The following ABTB2 variants were observed in gnomAD, a reference collection of about 807,000 sequenced individuals.
The protein encoded by ABTB2 is ankyrin repeat and BTB/POZ domain-containing protein 2.
A neutral mutation model predicts 104.1 loss-of-function variants in ABTB2; 56 were observed. That is an observed-to-expected ratio of 0.54 (90% CI 0.43 to 0.67). The LOEUF (loss-of-function observed/expected upper bound fraction) is 0.67, where lower values mean the gene tolerates loss of function less well. Among genes scored for constraint, ABTB2 ranks in the 30% least tolerant of loss-of-function variants. The pLI is 0.00. For synonymous variants in ABTB2, 606 were observed against 608.2 expected, an observed-to-expected ratio of 1.00 and a Z score of 0.05; for missense variants, 1,279 against 1,407.7, an observed-to-expected ratio of 0.91 and a Z score of 1.46.
At chr11:34,156,337 C>A (rs947416181) in intron 14 of ABTB2, among the ~76,000 whole-genome samples, 2 of 152,156 alleles carry the variant, frequency 1.3e-5, no homozygotes, top group Admixed American at 1.3e-4. Flanking sequence ...GGATACAGGT[C>A]ATGTGCCTCC....
intron 1 of ABTB2, among the ~76,000 whole-genome samples, chr11:34,354,775 G>T (rs1855445715): frequency 6.6e-6 from 1 of 152,220 alleles, no homozygotes; most frequent in Admixed American, 6.5e-5. Flanking sequence ...TGCATTTACA[G>T]TTCCACCCTT....
chr11:34,178,599 C>T (rs1852985467), intron 3 of ABTB2, among the ~76,000 whole-genome samples: 2 of 152,228 alleles, frequency 1.3e-5, no homozygotes, highest in Non-Finnish European at 2.9e-5. Flanking sequence ...TTCCCGTAGG[C>T]TGAGCTTGGT....
At position 34,202,770 on chromosome 11, in the gene ABTB2, C is replaced by T. The variant is rs58372565; in HGVS notation, c.1030+1774G>A. On this transcript the variant is annotated intron_variant, in intron 2 of 16. Transcript: ENST00000435224. ...CAGGAGAATCTCTTGAATCTGGAGG[C>T]GGAGGTTGCAGTGAGCCAAGTTTGT... 1.3e-3 allele frequency among the ~76,000 whole-genome samples: 199 copies of T among 152,162 alleles called. 2 individuals carry two copies. Among genetic ancestry groups the T allele is most frequent in the African/African-American group, 4.6e-3 (192 of 41,522 alleles).
At position 34,344,633 on chromosome 11, in the gene ABTB2, G is replaced by A. The variant is rs185359233; in HGVS notation, c.883+12068C>T. Among the ~76,000 whole-genome samples the A allele has an allele frequency of 2.2e-3, 339 of 152,172 alleles. 1 individual carries two copies. The highest frequency in any genetic ancestry group is 4.4e-3 in the Non-Finnish European group (301 of 68,002). ...CACCTCAGCCTCCCAAGTAGCTGGG[G>A]CCACAGATGTGCACCATTATACCTG... On this transcript the variant is annotated intron_variant, in intron 1 of 16. Transcript: ENST00000435224.
chr11:34,190,209 C>T lies in ABTB2; in HGVS notation c.1244+7116G>A, dbSNP rs1291513872. Among the ~76,000 whole-genome samples, 3 of 151,656 alleles carry T rather than the reference C, an allele frequency of 2.0e-5. No homozygotes were observed. The East Asian group carries it at 5.8e-4, about 29-fold the overall frequency. ...GAGTCAAGATCGTGCCACTGCACTC[C>T]AGCCTGGGTAACAGAGTGTGACTCC... On this transcript the variant is annotated intron_variant, in intron 3 of 16. Coordinates refer to ENST00000435224, the MANE Select transcript of ABTB2 (RefSeq NM_145804.3).
intron 1 of ABTB2, among the ~76,000 whole-genome samples, chr11:34,255,664 C>A (rs767295780): frequency 6.6e-6 from 1 of 152,058 alleles, no homozygotes; most frequent in Non-Finnish European, 1.5e-5. Context: ...ACTACAGGTA[C>A]GTGCCACCAC....
chr11:34,331,430 T>G (rs1424067785), intron 1 of ABTB2, among the ~76,000 whole-genome samples: 1 of 152,230 alleles, frequency 6.6e-6, no homozygotes, highest in African/African-American at 2.4e-5. Context: ...TCTTACTCTC[T>G]TTTCTAACTG....
intron 5 of ABTB2, among the ~76,000 whole-genome samples, chr11:34,169,546 A>G (rs1852841408): frequency 6.6e-6 from 1 of 152,036 alleles, no homozygotes; most frequent in Admixed American, 6.6e-5. Context: ...ACTAAATCCT[A>G]GGTCTATCTG....
intron 1 of ABTB2, among the ~76,000 whole-genome samples, chr11:34,266,117 C>CT (rs2133077498): frequency 6.6e-6 from 1 of 152,316 alleles, no homozygotes; most frequent in Non-Finnish European, 1.5e-5. Flanking sequence ...GGGTCTCACT[C>CT]TGTCACCCAG....
At chr11:34,222,886 C>T (rs564032541) in intron 1 of ABTB2, among the ~76,000 whole-genome samples, 7 of 152,290 alleles carry the variant, frequency 4.6e-5, no homozygotes, top group African/African-American at 9.6e-5. Flanking sequence ...TCTGGGGGAA[C>T]GACAGAGCCT....
chr11:34,353,394 T>G (rs551261419), intron 1 of ABTB2, among the ~76,000 whole-genome samples: 1 of 150,120 alleles, frequency 6.7e-6, no homozygotes, highest in African/African-American at 2.5e-5. Flanking sequence ...GAGAGGAGAG[T>G]AGGGAGGGAT....
At chr11:34,198,068 A>C (rs978421803) in intron 2 of ABTB2, among the ~76,000 whole-genome samples, 1 of 152,222 alleles carries the variant, frequency 6.6e-6, no homozygotes, top group Non-Finnish European at 1.5e-5. Flanking sequence ...ATTCCCCAGA[A>C]ATATGATTTA....
At chr11:34,155,241 G>A (rs1852607235) in intron 14 of ABTB2, among the ~76,000 whole-genome samples, 1 of 152,234 alleles carries the variant, frequency 6.6e-6, no homozygotes, top group Non-Finnish European at 1.5e-5. Context: ...GATGTTGGAG[G>A]ACGCTGCCTC....
intron 1 of ABTB2, among the ~76,000 whole-genome samples, chr11:34,353,950 C>T (rs575223439): frequency 6.6e-6 from 1 of 152,300 alleles, no homozygotes; most frequent in South Asian, 2.1e-4. Context: ...AAGGTTTGGA[C>T]CACTCCATTT....
At chr11:34,213,811 A>C (rs1467838806) in intron 1 of ABTB2, among the ~76,000 whole-genome samples, 2 of 152,218 alleles carry the variant, frequency 1.3e-5, no homozygotes, top group African/African-American at 4.8e-5. Context: ...AAACCAGTGC[A>C]ATAGTCACAA....
intron 1 of ABTB2, among the ~76,000 whole-genome samples, chr11:34,333,823 T>C (rs887219049): frequency 6.6e-6 from 1 of 152,024 alleles, no homozygotes; most frequent in African/African-American, 2.4e-5. Context: ...ACAGTGAAGA[T>C]CCCAAAATTG....
chr11:34,310,388 T>A (rs1854836549), intron 1 of ABTB2, among the ~76,000 whole-genome samples: 2 of 152,042 alleles, frequency 1.3e-5, no homozygotes, highest in African/African-American at 4.8e-5. Context: ...CCTGCAACCC[T>A]CTGAGTTTCG....
intron 1 of ABTB2, among the ~76,000 whole-genome samples, chr11:34,267,965 C>G (rs1854270127): frequency 6.6e-6 from 1 of 152,206 alleles, no homozygotes; most frequent in Admixed American, 6.5e-5. Context: ...GGGTCTGGCT[C>G]TGTTGCCCAG....
At chr11:34,315,501 C>G (rs1054595050) in intron 1 of ABTB2, among the ~76,000 whole-genome samples, 1 of 152,056 alleles carries the variant, frequency 6.6e-6, no homozygotes, top group Non-Finnish European at 1.5e-5. Context: ...GAATACAGGC[C>G]CCAATCATTC....
Sources: gnomAD v4.1 joint callset for allele counts (sites outside exome capture counted in the v4.1 genomes callset) on GRCh38, gnomAD v4.1.1 for gene constraint, MANE v1.5 for transcripts, NCBI Gene and HGNC (gene_info 2026-07-23, HGNC 2026-07-21) for gene names.